Variants in PTPN1 observed in about 807,000 individuals in gnomAD.
PTPN1 encodes the protein protein tyrosine phosphatase non-receptor type 1.
In PTPN1, 12 loss-of-function variants were observed where a neutral mutation model predicts 59.9. The observed-to-expected ratio is 0.20, with a 90% CI of 0.13 to 0.32. PTPN1 has a LOEUF of 0.32. Ranked by LOEUF, PTPN1 falls within the 10% of genes least tolerant of loss-of-function variation. The pLI is 1.00. For missense variants in PTPN1, 356 were observed against 549.2 expected (o/e 0.65, Z 3.52); for synonymous variants, 178 against 203.6 (o/e 0.87, Z 1.07).
rs532216943 is a variant in PTPN1, at chr20:50,582,030, G to C, written c.1284+570G>C. Among the ~76,000 whole-genome samples the C allele has an allele frequency of 4.5e-4, 68 of 152,348 alleles. No individual in the cohort carries two copies. The highest frequency in any genetic ancestry group is 1.5e-3 in the African/African-American group (64 of 41,580). ...AGCCCCCCTCAGCTGTGTGCACACT[G>C]AGCCAGGACAGGGTCTTTGAGCTTT... On this transcript the variant is annotated intron_variant, in intron 9 of 9. Coordinates refer to ENST00000371621, the MANE Select transcript of PTPN1 (RefSeq NM_002827.4). The surrounding 1 kb of genome is among the most constrained non-coding windows in gnomAD (Gnocchi z 4.2).
rs143123343 is a variant in PTPN1, at chr20:50,514,680, A to G, written c.63+4090A>G. On this transcript the variant is annotated intron_variant, in intron 1 of 9. Coordinates refer to ENST00000371621, the MANE Select transcript of PTPN1 (RefSeq NM_002827.4). ...CTTTTTCTGAGGCCTGCCTGAGCCTATATATATTTTGCACAATTTGGCATT... is the reference window on the plus strand; with the variant it reads ...CTTTTTCTGAGGCCTGCCTGAGCCTGTATATATTTTGCACAATTTGGCATT... Among the ~76,000 whole-genome samples, 4 of 152,268 alleles carry G rather than the reference A, an allele frequency of 2.6e-5. No homozygotes were observed. The East Asian group carries it at 5.8e-4, about 22-fold the overall frequency.
intron 1 of PTPN1, among the ~76,000 whole-genome samples, chr20:50,551,568 C>T (rs565337552): frequency 6.6e-6 from 1 of 152,326 alleles, no homozygotes; most frequent in East Asian, 1.9e-4. Flanking sequence ...GAGAGCCGTA[C>T]ACATTTGACA....
chr20:50,533,301 A>G (rs1019191159), intron 1 of PTPN1, among the ~76,000 whole-genome samples: 1 of 152,166 alleles, frequency 6.6e-6, no homozygotes, highest in Non-Finnish European at 1.5e-5. Flanking sequence ...TAGAGTTTAC[A>G]TTGCCTCCTT....
chr20:50,539,862 C>T (rs1432584020), intron 1 of PTPN1, among the ~76,000 whole-genome samples: 2 of 151,322 alleles, frequency 1.3e-5, no homozygotes, highest in East Asian at 3.9e-4. Context: ...TCCATGTGCT[C>T]TTTCAATATG....
intron 1 of PTPN1, among the ~76,000 whole-genome samples, chr20:50,550,338 G>A (rs1056460712): frequency 4.6e-5 from 7 of 152,184 alleles, no homozygotes; most frequent in African/African-American, 1.7e-4. Flanking sequence ...GGACTTTGTA[G>A]TTCCCTGAAG....
chr20:50,537,131 T>C (rs1351392016), intron 1 of PTPN1, among the ~76,000 whole-genome samples: 2 of 152,168 alleles, frequency 1.3e-5, no homozygotes, highest in East Asian at 3.8e-4. Flanking sequence ...GAGACCAGAC[T>C]GGCCAACATG....
intron 1 of PTPN1, among the ~76,000 whole-genome samples, chr20:50,511,888 G>A (rs2082509142): frequency 6.6e-6 from 1 of 152,198 alleles, no homozygotes; most frequent in Admixed American, 6.5e-5. Flanking sequence ...TCCATCAGCT[G>A]TAGTATTAAA....
intron 1 of PTPN1, among the ~76,000 whole-genome samples, chr20:50,526,812 T>G (rs1205995052): frequency 2.0e-5 from 3 of 152,102 alleles, no homozygotes; most frequent in Non-Finnish European, 4.4e-5. Context: ...ACTGTACTTG[T>G]GTCCATCTTC....
At chr20:50,546,180 C>A (rs567383265) in intron 1 of PTPN1, among the ~76,000 whole-genome samples, 17 of 152,340 alleles carry the variant, frequency 1.1e-4, no homozygotes, top group African/African-American at 4.1e-4. Context: ...GTCTTCCCCC[C>A]TGAAGCGCAG....
chr20:50,579,782 GAATCCTGGAGCCACAC>G lies in PTPN1; in HGVS notation c.948_963del (p.Ile316MetfsTer14). On this transcript the variant is annotated frameshift_variant, in exon 8 of 10. Transcript: ENST00000371621. LOFTEE classifies it high-confidence loss of function. Reference sequence around the variant, plus strand: ...CCCCCACCTCCCCGGCCACCCAAACGAATCCTGGAGCCACACAATGGGAAATGCAGGGAGTTCTTCC... The same window carrying G: ...CCCCCACCTCCCCGGCCACCCAAACGAATGGGAAATGCAGGGAGTTCTTCC... The G allele has an allele frequency of 6.2e-7, 1 of 1,613,282 alleles. No homozygotes were observed. Among genetic ancestry groups the G allele is most frequent in the Non-Finnish European group, 8.5e-7 (1 of 1,179,592 alleles).
intron 1 of PTPN1, among the ~76,000 whole-genome samples, chr20:50,548,251 CTT>C: frequency 6.6e-6 from 1 of 152,250 alleles, no homozygotes; most frequent in East Asian, 1.9e-4. Flanking sequence ...TATCCTATCT[CTT>C]AAGGTTTTTT....
At chr20:50,544,159 T>C (rs527747510) in intron 1 of PTPN1, among the ~76,000 whole-genome samples, 1 of 151,618 alleles carries the variant, frequency 6.6e-6, no homozygotes, top group East Asian at 2.0e-4. Context: ...TGTTTCAGTA[T>C]TAATTTTTTT....
Position 50,582,783 on chromosome 20 carries a change from C to T in PTPN1, c.*68C>T. 1 of 1,595,824 alleles carries T rather than the reference C, an allele frequency of 6.3e-7. No individual in the cohort carries two copies. The highest frequency in any genetic ancestry group is 8.6e-7 in the Non-Finnish European group (1 of 1,167,228). On this transcript the variant is annotated 3_prime_UTR_variant, in exon 10 of 10. Coordinates refer to ENST00000371621, the MANE Select transcript of PTPN1 (RefSeq NM_002827.4). This position sits in a 1 kb window ranked among gnomAD's most constrained non-coding sequence, Gnocchi z 4.2. ...GCCCGCAGAGCCCACGCCCGACTAG[C>T]AGGCATGCCGCGGTAGGTAAGGGCC...
intron 1 of PTPN1, among the ~76,000 whole-genome samples, chr20:50,552,978 A>T (rs540717054): frequency 8.3e-4 from 127 of 152,170 alleles, no homozygotes; most frequent in Non-Finnish European, 1.5e-3. Context: ...AATCTGCCCA[A>T]CCTTCTCCTT....
chr20:50,549,088 A>G (rs774036441), intron 1 of PTPN1, among the ~76,000 whole-genome samples: 1 of 152,136 alleles, frequency 6.6e-6, no homozygotes, highest in Non-Finnish European at 1.5e-5. Context: ...TTTTTGTTCT[A>G]GTTGATTTGT....
intron 1 of PTPN1, among the ~76,000 whole-genome samples, chr20:50,542,470 G>A (rs1388061339): frequency 6.6e-6 from 1 of 152,138 alleles, no homozygotes; most frequent in Non-Finnish European, 1.5e-5. Context: ...ATTTTTGCAG[G>A]TCCTAGGGAA....
At chr20:50,566,350 T>C (rs1354018718) in intron 3 of PTPN1, among the ~76,000 whole-genome samples, 2 of 152,188 alleles carry the variant, frequency 1.3e-5, no homozygotes, top group Non-Finnish European at 2.9e-5. Flanking sequence ...GGGTGTATCA[T>C]GTCAAGTGTT....
chr20:50,564,466 C>T (rs536532188), intron 2 of PTPN1, among the ~76,000 whole-genome samples: 47 of 152,164 alleles, frequency 3.1e-4, no homozygotes, highest in African/African-American at 1.1e-3. Context: ...TGGTGGCCTG[C>T]GCCTGTAATC....
At chr20:50,514,902 T>C (rs1381291176) in intron 1 of PTPN1, among the ~76,000 whole-genome samples, 1 of 152,140 alleles carries the variant, frequency 6.6e-6, no homozygotes, top group Admixed American at 6.5e-5. Flanking sequence ...GACTTTGGAG[T>C]AGTTGGTGAT....
Sources: gnomAD v4.1 joint callset for allele counts (sites outside exome capture counted in the v4.1 genomes callset) on GRCh38, gnomAD v4.1.1 for gene constraint, Gnocchi (gnomAD v3.1) non-coding constraint, MANE v1.5 for transcripts, NCBI Gene and HGNC (gene_info 2026-07-23, HGNC 2026-07-21) for gene names.